Variants in TRPM6 observed in about 807,000 individuals in gnomAD.
TRPM6 encodes the protein transient receptor potential cation channel subfamily M member 6, also known as channel kinase 2.
TRPM6 carries 111 observed loss-of-function variants against 247.6 expected under a neutral mutation model. The observed-to-expected ratio is 0.45, with a 90% confidence interval of 0.38 to 0.52. TRPM6 has a LOEUF of 0.52. TRPM6 is among the 20% of genes least tolerant of loss of function. The pLI is 0.00. For synonymous variants in TRPM6, 892 were observed against 853.8 expected, an observed-to-expected ratio of 1.04 and a Z score of -0.78; for missense variants, 2,126 against 2,421.5, an observed-to-expected ratio of 0.88 and a Z score of 2.56.
chr9:74,872,473 A>G (rs536463235), intron 1 of TRPM6, among the ~76,000 whole-genome samples: 1 of 152,118 alleles, frequency 6.6e-6, no homozygotes, highest in South Asian at 2.1e-4. Flanking sequence ...TCCTGTGCCC[A>G]AGCTGGAGTG....
chr9:74,740,626 T>C (rs546561099), intron 33 of TRPM6, among the ~76,000 whole-genome samples: 1 of 152,334 alleles, frequency 6.6e-6, no homozygotes, highest in South Asian at 2.1e-4. Flanking sequence ...ATATTTTTAA[T>C]AATCTTGTGC....
At chr9:74,735,464 G>A (rs1253782404) in intron 36 of TRPM6, among the ~76,000 whole-genome samples, 1 of 152,128 alleles carries the variant, frequency 6.6e-6, no homozygotes, top group Admixed American at 6.5e-5. Flanking sequence ...AATTTATGTA[G>A]CTTGGTGGAA....
intron 9 of TRPM6, among the ~76,000 whole-genome samples, chr9:74,817,504 C>T (rs1165842431): frequency 2.6e-5 from 4 of 152,064 alleles, no homozygotes; most frequent in Non-Finnish European, 2.9e-5. Context: ...TGCTTTTTTA[C>T]GAGAAATGAA....
At chr9:74,774,683 C>T (rs1827157913) in intron 24 of TRPM6, among the ~76,000 whole-genome samples, 1 of 152,130 alleles carries the variant, frequency 6.6e-6, no homozygotes, top group Non-Finnish European at 1.5e-5. Flanking sequence ...TTTTAGAATT[C>T]AGAACTGTTT....
At chr9:74,757,274 A>G (rs1587474123) in intron 27 of TRPM6, among the ~76,000 whole-genome samples, 2 of 152,036 alleles carry the variant, frequency 1.3e-5, no homozygotes, top group African/African-American at 4.8e-5. Flanking sequence ...GATAAGAGCA[A>G]GCATGAATGA....
Position 74,750,721 on chromosome 9 carries a change from TC to T in TRPM6, c.4999del (p.Asp1667IlefsTer21), listed in dbSNP as rs779307375. On this transcript the variant is annotated frameshift_variant and splice_region_variant, in exon 30 of 39. Transcript: ENST00000360774. LOFTEE classifies it high-confidence loss of function. ...ISDYLKQSQE[D>X]LSKNSLWNSR... is the part of the protein sequence containing the mutation. The stretch of plus-strand genomic sequence containing the variant: ...ATTCCACAAAGAGTTTTTGCTGAGA[TC>T]CTGAGCAGAAGGGAAAGGCCGTTAC... 1 of 1,613,880 alleles carries T rather than the reference TC, an allele frequency of 6.2e-7. No individual in the cohort carries two copies. Among genetic ancestry groups the T allele is most frequent in the Non-Finnish European group, 8.5e-7 (1 of 1,179,802 alleles).
At position 74,854,522 on chromosome 9, in the gene TRPM6, GA is replaced by G. The variant is rs577996026; in HGVS notation, c.152+1004del. Among the ~76,000 whole-genome samples, 660 of 152,182 alleles carry G rather than the reference GA, an allele frequency of 4.3e-3. 4 individuals carry two copies. The highest frequency in any genetic ancestry group is 0.015 in the African/African-American group (618 of 41,524). ...ATTTTAAATAATTACTAAAAGGAAA[GA>G]AAAAAATTGAGGAAAAAGTGAGAGG... is the stretch of plus-strand genomic sequence containing the variant. On this transcript the variant is annotated intron_variant, in intron 3 of 38. Coordinates refer to ENST00000360774, the MANE Select transcript of TRPM6 (RefSeq NM_017662.5).
chr9:74,880,961 C>G (rs866518623), intron 1 of TRPM6, among the ~76,000 whole-genome samples: 1 of 152,040 alleles, frequency 6.6e-6, no homozygotes, highest in South Asian at 2.1e-4. Context: ...ATTAAATTTT[C>G]TACTTAACAC....
rs760490095 is a variant in TRPM6, at chr9:74,802,166, T to C, written c.1741A>G (p.Ile581Val). ...TTCTTCCTTGATTTATGAAGGACTA[T>C]AGACTTTTCCTGTTGGAAAATAAAA... is the stretch of plus-strand genomic sequence containing the variant. ...AQPYKFKEKS[I>V]VLHKSRKKSK... Residue 581 changes from isoleucine (I) to valine (V), a missense_variant, in exon 16 of 39, where the codon ATA (isoleucine) becomes GTA (valine). Transcript: ENST00000360774. The C allele has an allele frequency of 5.6e-6, 9 of 1,613,458 alleles. No homozygotes were observed. The highest frequency in any genetic ancestry group is 1.6e-4 in the Middle Eastern group (1 of 6,084).
intron 28 of TRPM6, among the ~76,000 whole-genome samples, chr9:74,754,809 C>G (rs1336019402): frequency 6.6e-6 from 1 of 152,162 alleles, no homozygotes; most frequent in African/African-American, 2.4e-5. Flanking sequence ...CTTACCTGTC[C>G]AGACCTATTT....
intron 7 of TRPM6, among the ~76,000 whole-genome samples, chr9:74,825,054 G>A (rs1026290081): frequency 9.9e-5 from 15 of 152,168 alleles, no homozygotes; most frequent in Admixed American, 4.6e-4. Context: ...GAGGTCAGGA[G>A]TTCGAGACCA....
At chr9:74,815,566 G>A (rs1231688940) in intron 11 of TRPM6, among the ~76,000 whole-genome samples, 2 of 152,172 alleles carry the variant, frequency 1.3e-5, no homozygotes, top group Middle Eastern at 3.2e-3. Flanking sequence ...TCCCCAAGAT[G>A]ATGAGGGTGC....
intron 14 of TRPM6, chr9:74,804,725 C>CA (rs1828472902): frequency 1.2e-6 from 1 of 835,012 alleles, no homozygotes; most frequent in Non-Finnish European, 2.0e-6. Flanking sequence ...CTGCAGCTCC[C>CA]ACTGCTCAGG....
intron 17 of TRPM6, among the ~76,000 whole-genome samples, chr9:74,798,779 C>T (rs1487078476): frequency 6.6e-6 from 1 of 152,178 alleles, no homozygotes; most frequent in African/African-American, 2.4e-5. Context: ...AGCTTAGAGA[C>T]TTTAAGTAGC....
At chr9:74,836,586 A>T (rs1829729597) in intron 5 of TRPM6, among the ~76,000 whole-genome samples, 1 of 152,192 alleles carries the variant, frequency 6.6e-6, no homozygotes, top group South Asian at 2.1e-4. Flanking sequence ...CTTACATGTG[A>T]TCCTAACACA....
chr9:74,745,466 T>C (rs1490812640), intron 31 of TRPM6, among the ~76,000 whole-genome samples: 1 of 140,826 alleles, frequency 7.1e-6, no homozygotes, highest in South Asian at 2.1e-4. Flanking sequence ...TGTGTGCGTG[T>C]GTGTGTGTGT....
At chr9:74,835,358 C>CA (rs1366204540) in intron 5 of TRPM6, among the ~76,000 whole-genome samples, 4 of 151,160 alleles carry the variant, frequency 2.6e-5, no homozygotes, top group Non-Finnish European at 1.5e-5. Flanking sequence ...GGGTAGACTG[C>CA]AAAAATTTTC....
chr9:74,730,124 C>T (rs1445975687), intron 37 of TRPM6, among the ~76,000 whole-genome samples: 1 of 152,110 alleles, frequency 6.6e-6, no homozygotes, highest in Non-Finnish European at 1.5e-5. Context: ...AAAAAAAATA[C>T]AAGTAGCTGT....
intron 18 of TRPM6, among the ~76,000 whole-genome samples, chr9:74,793,525 T>A (rs1435878969): frequency 6.6e-6 from 1 of 152,158 alleles, no homozygotes; most frequent in Non-Finnish European, 1.5e-5. Flanking sequence ...CTAATTTTTG[T>A]ATGTTTTTAA....
Sources: gnomAD v4.1 joint callset for allele counts (sites outside exome capture counted in the v4.1 genomes callset) on GRCh38, gnomAD v4.1.1 for gene constraint, MANE v1.5 for transcripts, NCBI Gene and HGNC (gene_info 2026-07-23, HGNC 2026-07-21) for gene names.